LRRIQ3: variants seen among roughly 807,000 people sequenced by gnomAD.
LRRIQ3 encodes the protein leucine-rich repeat and IQ domain-containing protein 3.
LRRIQ3 carries 75 observed loss-of-function variants against 59.3 expected under a neutral mutation model. The ratio of observed to expected loss-of-function variants is 1.26; its 90% CI spans 1.05 to 1.53. The LOEUF (loss-of-function observed/expected upper bound fraction) is 1.53, where lower values mean the gene tolerates loss of function less well. LRRIQ3 is among the 40% of genes most tolerant of loss of function. The pLI, the probability that LRRIQ3 is intolerant of heterozygous loss-of-function variation, is 0.00. For synonymous variants in LRRIQ3, 250 were observed against 231.3 expected, an observed-to-expected ratio of 1.08 and a Z score of -0.73; for missense variants, 831 against 710.0, an observed-to-expected ratio of 1.17 and a Z score of -1.94.
At chr1:74,034,149 G>C (rs1275967934) in intron 7 of LRRIQ3, among the ~76,000 whole-genome samples, 1 of 152,020 alleles carries the variant, frequency 6.6e-6, no homozygotes, top group East Asian at 1.9e-4. Flanking sequence ...ACTAGTTATG[G>C]AAATTTATCA....
chr1:74,099,790 A>G (rs1166072396), intron 5 of LRRIQ3, among the ~76,000 whole-genome samples: 2 of 152,206 alleles, frequency 1.3e-5, no homozygotes, highest in African/African-American at 4.8e-5. Context: ...ATATAAACAG[A>G]ACCAAAGACA....
chr1:74,088,703 T>A (rs1646359237), intron 5 of LRRIQ3, among the ~76,000 whole-genome samples: 1 of 151,782 alleles, frequency 6.6e-6, no homozygotes, highest in Non-Finnish European at 1.5e-5. Flanking sequence ...TAAGAGCTAA[T>A]ACTATAAACG....
chr1:74,038,636 C>G (rs555908411), intron 7 of LRRIQ3, among the ~76,000 whole-genome samples: 2 of 152,302 alleles, frequency 1.3e-5, no homozygotes, highest in African/African-American at 4.8e-5. Context: ...TGTTCTCCAA[C>G]CTCCTCAAGT....
At chr1:74,105,753 T>C (rs977669285) in intron 5 of LRRIQ3, among the ~76,000 whole-genome samples, 1 of 152,022 alleles carries the variant, frequency 6.6e-6, no homozygotes, top group Non-Finnish European at 1.5e-5. Flanking sequence ...TCTTACAAAA[T>C]GGCACTCAAC....
intron 5 of LRRIQ3, among the ~76,000 whole-genome samples, chr1:74,096,454 T>C (rs1273789562): frequency 3.3e-5 from 5 of 151,986 alleles, no homozygotes; most frequent in Non-Finnish European, 7.4e-5. Context: ...AAGGCAATTA[T>C]AGGAAAGCCA....
At chr1:74,159,468 A>G (rs1196521063) in intron 3 of LRRIQ3, among the ~76,000 whole-genome samples, 1 of 152,128 alleles carries the variant, frequency 6.6e-6, no homozygotes, top group African/African-American at 2.4e-5. Context: ...AACAATGTCA[A>G]TCAATTTATT....
At chr1:74,093,948 G>A (rs1646420711) in intron 5 of LRRIQ3, among the ~76,000 whole-genome samples, 1 of 152,030 alleles carries the variant, frequency 6.6e-6, no homozygotes, top group Non-Finnish European at 1.5e-5. Flanking sequence ...GGCTTCCATA[G>A]ACTGACTGGC....
chr1:74,131,625 C>A (rs1252640217), intron 4 of LRRIQ3, among the ~76,000 whole-genome samples: 1 of 152,062 alleles, frequency 6.6e-6, no homozygotes, highest in South Asian at 2.1e-4. Flanking sequence ...AGACAAAAAC[C>A]ACATGATTAT....
At chr1:74,154,787 G>A (rs936679378) in intron 4 of LRRIQ3, among the ~76,000 whole-genome samples, 1 of 152,066 alleles carries the variant, frequency 6.6e-6, no homozygotes, top group Non-Finnish European at 1.5e-5. Context: ...CCTTTACTCA[G>A]GTAATTTGAC....
intron 4 of LRRIQ3, among the ~76,000 whole-genome samples, chr1:74,145,962 C>T (rs1647541326): frequency 6.6e-6 from 1 of 151,938 alleles, no homozygotes; most frequent in African/African-American, 2.4e-5. Context: ...ACTGGTGGTC[C>T]CCATGAAATT....
At chr1:74,122,334 A>G (rs569592263) in intron 4 of LRRIQ3, among the ~76,000 whole-genome samples, 2 of 152,278 alleles carry the variant, frequency 1.3e-5, no homozygotes, top group African/African-American at 4.8e-5. Context: ...ATGGCCAGTG[A>G]TGATGAGCAT....
chr1:74,164,718 T>C (rs894594676), intron 3 of LRRIQ3, among the ~76,000 whole-genome samples: 3 of 151,586 alleles, frequency 2.0e-5, no homozygotes, highest in African/African-American at 7.2e-5. Context: ...GCTTTTGATG[T>C]CAGGTCTAAG....
At chr1:74,075,633 G>T (rs1037169822) in intron 5 of LRRIQ3, among the ~76,000 whole-genome samples, 3 of 152,030 alleles carry the variant, frequency 2.0e-5, no homozygotes, top group East Asian at 1.9e-4. Context: ...GTAGCAAGTA[G>T]CTTCATGGGG....
At chr1:74,043,635 C>T (rs1363920256) in intron 6 of LRRIQ3, among the ~76,000 whole-genome samples, 2 of 152,070 alleles carry the variant, frequency 1.3e-5, no homozygotes, top group Non-Finnish European at 2.9e-5. Context: ...TGAACATAGT[C>T]CCATTAACAC....
chr1:74,058,165 G>C (rs1654593427), intron 6 of LRRIQ3, among the ~76,000 whole-genome samples: 1 of 152,036 alleles, frequency 6.6e-6, no homozygotes, highest in Non-Finnish European at 1.5e-5. Flanking sequence ...ATAGTATGGA[G>C]GTTCTTCAAA....
intron 7 of LRRIQ3, among the ~76,000 whole-genome samples, chr1:74,030,474 G>C (rs572112013): frequency 6.6e-6 from 1 of 152,198 alleles, no homozygotes; most frequent in South Asian, 2.1e-4. Context: ...ACAACTATCT[G>C]ATCCTTGACA....
intron 6 of LRRIQ3, among the ~76,000 whole-genome samples, chr1:74,046,920 G>A (rs926563523): frequency 1.3e-5 from 2 of 152,142 alleles, no homozygotes; most frequent in African/African-American, 4.8e-5. Flanking sequence ...ACACCAGTAA[G>A]AATGGCAATC....
Position 74,183,451 on chromosome 1 carries a change from A to G in LRRIQ3, c.234T>C (p.Asp78=), listed in dbSNP as rs769869328. ...TATTGCTTACCTGATTTCCATGGAGATCAAGTTTGATTAATTTTATACAAC... is the reference window on the plus strand; with the variant it reads ...TATTGCTTACCTGATTTCCATGGAGGTCAAGTTTGATTAATTTTATACAAC... ...LQSCIKLIKL[D]LHGNQIKSLP... Residue 78 remains aspartate, a synonymous_variant, in exon 2 of 8, where the codon GAT becomes GAC. Transcript: ENST00000354431. 6.3e-7 allele frequency: 1 copy of G among 1,585,248 alleles called. No individual in the cohort carries two copies. Among genetic ancestry groups the G allele is most frequent in the Middle Eastern group, 1.9e-4 (1 of 5,220 alleles).
At chr1:74,187,887 AAAC>A (rs1650509180) in intron 1 of LRRIQ3, among the ~76,000 whole-genome samples, 1 of 152,180 alleles carries the variant, frequency 6.6e-6, no homozygotes, top group Non-Finnish European at 1.5e-5. Flanking sequence ...CTAAAAACAG[AAAC>A]AACATTTGAC....
Sources: allele counts gnomAD v4.1 joint callset (sites outside exome capture counted in the v4.1 genomes callset), GRCh38; gene constraint gnomAD v4.1.1; transcripts MANE v1.5; gene names NCBI Gene and HGNC (gene_info 2026-07-23, HGNC 2026-07-21).